SGCZ: variants seen among roughly 807,000 people sequenced by gnomAD.
The protein encoded by SGCZ is sarcoglycan zeta, also known as zeta-sarcoglycan.
Under a neutral mutation model 41.3 loss-of-function variants are expected in SGCZ, and 40 were observed. The ratio of observed to expected loss-of-function variants is 0.97; its 90% CI spans 0.75 to 1.26. SGCZ has a LOEUF of 1.26. Ranked by LOEUF, SGCZ falls within the 50% of genes most tolerant of loss-of-function variation. The pLI, the probability that SGCZ is intolerant of heterozygous loss-of-function variation, is 0.00. For missense variants in SGCZ, 552 were observed against 369.8 expected, an observed-to-expected ratio of 1.49 and a Z score of -4.04; for synonymous variants, 206 against 137.5, an observed-to-expected ratio of 1.50 and a Z score of -3.49.
At chr8:15,012,445 A>G (rs1447050412) in intron 1 of SGCZ, among the ~76,000 whole-genome samples, 1 of 148,678 alleles carries the variant, frequency 6.7e-6, no homozygotes, top group Non-Finnish European at 1.5e-5. Context: ...CCTGGGTGAC[A>G]CAGTAAGACT....
intron 5 of SGCZ, among the ~76,000 whole-genome samples, chr8:14,142,503 G>T (rs530373759): frequency 6.6e-6 from 1 of 152,230 alleles, no homozygotes; most frequent in South Asian, 2.1e-4. Flanking sequence ...GGCACTTTAT[G>T]TATTTCCTTT....
At chr8:14,186,801 C>A (rs1252314998) in intron 4 of SGCZ, among the ~76,000 whole-genome samples, 3 of 152,032 alleles carry the variant, frequency 2.0e-5, no homozygotes, top group African/African-American at 4.8e-5. Flanking sequence ...TAAAAGGAGA[C>A]CAAAACTTCA....
chr8:14,354,123 A>G (rs1453154580), intron 2 of SGCZ, among the ~76,000 whole-genome samples: 1 of 152,018 alleles, frequency 6.6e-6, no homozygotes, highest in Non-Finnish European at 1.5e-5. Context: ...TCTGCTTATA[A>G]AAGTGCGTAT....
intron 2 of SGCZ, among the ~76,000 whole-genome samples, chr8:14,549,420 G>A (rs987522046): frequency 3.3e-5 from 5 of 151,818 alleles, no homozygotes; most frequent in Non-Finnish European, 7.4e-5. Flanking sequence ...AAATGGGAAC[G>A]GATCAGAATC....
intron 1 of SGCZ, among the ~76,000 whole-genome samples, chr8:14,669,819 C>A (rs1165814099): frequency 6.6e-6 from 1 of 151,954 alleles, no homozygotes; most frequent in East Asian, 1.9e-4. Flanking sequence ...GTGCAGATAT[C>A]TCATCGAGAT....
intron 1 of SGCZ, among the ~76,000 whole-genome samples, chr8:14,722,351 A>C (rs1809913364): frequency 6.6e-6 from 1 of 152,102 alleles, no homozygotes; most frequent in Non-Finnish European, 1.5e-5. Context: ...TAATTTTCAA[A>C]AGCATGTATT....
At chr8:14,410,116 A>C (rs565215828) in intron 2 of SGCZ, among the ~76,000 whole-genome samples, 2 of 152,248 alleles carry the variant, frequency 1.3e-5, no homozygotes, top group East Asian at 3.9e-4. Flanking sequence ...TGCAAAACTC[A>C]TTGTGAACTG....
intron 3 of SGCZ, among the ~76,000 whole-genome samples, chr8:14,287,635 A>G (rs934935623): frequency 6.6e-6 from 1 of 152,066 alleles, no homozygotes; most frequent in African/African-American, 2.4e-5. Context: ...ACTCTTTGAC[A>G]TGTTTATTTT....
chr8:15,168,260 T>A (rs1203088048), intron 1 of SGCZ, among the ~76,000 whole-genome samples: 1 of 152,128 alleles, frequency 6.6e-6, no homozygotes, highest in Admixed American at 6.5e-5. Context: ...ACAACAGAGC[T>A]TAAAAGGCAC....
chr8:14,239,360 T>A (rs917020532), intron 3 of SGCZ, among the ~76,000 whole-genome samples: 1 of 152,054 alleles, frequency 6.6e-6, no homozygotes, highest in Non-Finnish European at 1.5e-5. Context: ...ATTTGAATAT[T>A]TGAATGTAAG....
intron 2 of SGCZ, among the ~76,000 whole-genome samples, chr8:14,513,152 C>G (rs919723124): frequency 1.3e-5 from 2 of 152,082 alleles, no homozygotes; most frequent in African/African-American, 4.8e-5. Flanking sequence ...AAGCAATCCT[C>G]TTGCCTCAGC....
At chr8:14,640,828 C>A (rs1328979770) in intron 1 of SGCZ, among the ~76,000 whole-genome samples, 1 of 151,626 alleles carries the variant, frequency 6.6e-6, no homozygotes, top group Non-Finnish European at 1.5e-5. Flanking sequence ...ATAGCTGGAG[C>A]CCCTGCAAGT....
chr8:15,188,485 C>A (rs1800421595), intron 1 of SGCZ, among the ~76,000 whole-genome samples: 1 of 152,018 alleles, frequency 6.6e-6, no homozygotes, highest in Non-Finnish European at 1.5e-5. Context: ...CTTTGTCTTT[C>A]CAGTTGGTAG....
intron 3 of SGCZ, among the ~76,000 whole-genome samples, chr8:14,295,521 ATAG>A: frequency 6.6e-6 from 1 of 152,316 alleles, no homozygotes; most frequent in Non-Finnish European, 1.5e-5. Context: ...AAATTTTAAA[ATAG>A]TAGTTAAGGG....
intron 1 of SGCZ, among the ~76,000 whole-genome samples, chr8:14,824,034 A>C (rs953365438): frequency 3.9e-5 from 6 of 152,064 alleles, no homozygotes; most frequent in Non-Finnish European, 7.4e-5. Context: ...AAAGGGAAAA[A>C]AAAAGGTAGA....
chr8:14,135,602 G>A lies in SGCZ; in HGVS notation c.548-27367C>T, dbSNP rs192368008. On this transcript the variant is annotated intron_variant, in intron 5 of 7. Coordinates refer to ENST00000382080, the MANE Select transcript of SGCZ (RefSeq NM_139167.4). ...AAATGCAAACTATTAAAACTCAATC[G>A]ACATGAAATAAACAATCTGAATAGT... 4.9e-4 allele frequency among the ~76,000 whole-genome samples: 75 copies of A among 152,106 alleles called. No homozygotes were observed. In the South Asian group the frequency reaches 6.9e-3, roughly 14 times the overall value.
intron 1 of SGCZ, among the ~76,000 whole-genome samples, chr8:14,664,942 C>G (rs1225699001): frequency 6.6e-6 from 1 of 152,162 alleles, no homozygotes; most frequent in Non-Finnish European, 1.5e-5. Flanking sequence ...ATCTCTAGCA[C>G]TAGGTGATCC....
intron 4 of SGCZ, among the ~76,000 whole-genome samples, chr8:14,209,635 GT>G (rs1287131255): frequency 2.0e-5 from 3 of 152,028 alleles, no homozygotes; most frequent in Admixed American, 6.6e-5. Context: ...GTGAAAAGTT[GT>G]GTCAGCAAAT....
At chr8:14,237,296 T>C (rs796388761) in intron 4 of SGCZ, among the ~76,000 whole-genome samples, 6 of 152,184 alleles carry the variant, frequency 3.9e-5, no homozygotes, top group African/African-American at 1.4e-4. Context: ...ACAAGTCAAA[T>C]CATGTGCAAG....
Sources: allele counts gnomAD v4.1 joint callset (sites outside exome capture counted in the v4.1 genomes callset), GRCh38; gene constraint gnomAD v4.1.1; transcripts MANE v1.5; gene names NCBI Gene and HGNC (gene_info 2026-07-23, HGNC 2026-07-21).